Variants in RYR3 observed in about 807,000 individuals in gnomAD.
RYR3 encodes the protein ryanodine receptor 3, also known as brain ryanodine receptor-calcium release channel.
RYR3 carries 207 observed loss-of-function variants against 584.3 expected under a neutral mutation model. The observed-to-expected ratio is 0.35, with a 90% confidence interval of 0.32 to 0.40. The LOEUF is 0.40. RYR3 is among the 10% of genes least tolerant of loss of function. The pLI, the probability that RYR3 is intolerant of heterozygous loss-of-function variation, is 1.00. For synonymous variants in RYR3, 2,416 were observed against 2,248.5 expected (o/e 1.07, Z -2.11); for missense variants, 5,616 against 6,089.2 (o/e 0.92, Z 2.59).
At chr15:33,541,671 C>G (rs567326650) in intron 7 of RYR3, among the ~76,000 whole-genome samples, 1 of 152,096 alleles carries the variant, frequency 6.6e-6, no homozygotes, top group African/African-American at 2.4e-5. Flanking sequence ...CTGGGAATGC[C>G]GGTCTATTCT....
At chr15:33,755,437 G>A (rs1427396812) in intron 58 of RYR3, among the ~76,000 whole-genome samples, 1 of 152,030 alleles carries the variant, frequency 6.6e-6, no homozygotes, top group Non-Finnish European at 1.5e-5. Flanking sequence ...TGGCCAACAT[G>A]GTGAAATCCC....
At chr15:33,452,811 T>G (rs553813719) in intron 1 of RYR3, among the ~76,000 whole-genome samples, 23 of 152,306 alleles carry the variant, frequency 1.5e-4, no homozygotes, top group African/African-American at 5.3e-4. Context: ...CCTGCTATAA[T>G]GGATTTTATA....
chr15:33,835,486 C>G (rs536789675), intron 87 of RYR3, among the ~76,000 whole-genome samples: 2 of 152,164 alleles, frequency 1.3e-5, no homozygotes, highest in African/African-American at 4.8e-5. Context: ...TCCTCCCTCC[C>G]TCCCTGTCTC....
chr15:33,523,986 G>A (rs1017583211), intron 3 of RYR3, among the ~76,000 whole-genome samples: 1 of 152,122 alleles, frequency 6.6e-6, no homozygotes, highest in Non-Finnish European at 1.5e-5. Flanking sequence ...TTTCAGGTAG[G>A]TAAAGTCGTT....
chr15:33,537,967 A>C (rs986645286), intron 5 of RYR3, among the ~76,000 whole-genome samples: 9 of 150,376 alleles, frequency 6.0e-5, no homozygotes, highest in Admixed American at 1.3e-4. Flanking sequence ...GCTTTATCCC[A>C]CCACCTTTTT....
rs1763324566 is a variant in RYR3, at chr15:33,854,883, C to T, written c.13978C>T (p.Leu4660=). ...GGGCTTCAAGACACTGAGGACCATT[C>T]TGTCATCTGTAACTCACAATGGCAA... is the stretch of plus-strand genomic sequence containing the variant. ...AMGFKTLRTI[L]SSVTHNGKQL... The change falls in exon 98 of 104, where the codon CTG becomes TTG. Residue 4660 remains leucine, a synonymous_variant. Coordinates refer to ENST00000634891, the MANE Select transcript of RYR3 (RefSeq NM_001036.6). 4 of 1,612,576 alleles carry T rather than the reference C, an allele frequency of 2.5e-6. No homozygotes were observed. Among genetic ancestry groups the T allele is most frequent in the Non-Finnish European group, 3.4e-6 (4 of 1,179,512 alleles).
At chr15:33,654,930 A>G (rs1180645974) in intron 32 of RYR3, among the ~76,000 whole-genome samples, 2 of 152,238 alleles carry the variant, frequency 1.3e-5, no homozygotes, top group Non-Finnish European at 2.9e-5. Context: ...GGTAAGGTAG[A>G]CAGCAGACAG....
rs1194148988 is a variant in RYR3 at position 33,756,362 on chromosome 15, T to C, written c.8572T>C (p.Phe2858Leu). 6.3e-7 allele frequency: 1 copy of C among 1,575,452 alleles called. No individual in the cohort carries two copies. Among genetic ancestry groups the C allele is most frequent in the Non-Finnish European group, 8.6e-7 (1 of 1,159,390 alleles). ...EKSPRDQEIK[F>L]FAKVLLPLVD... Reference sequence around the variant, plus strand: ...GTCTCCCCGTGACCAGGAGATCAAATTCTTTGCCAAAGTAAGTGGCCCTGC... The same window carrying C: ...GTCTCCCCGTGACCAGGAGATCAAACTCTTTGCCAAAGTAAGTGGCCCTGC... The change falls in exon 59 of 104, where the codon TTC becomes CTC. Residue 2858 changes from phenylalanine (F) to leucine (L), a missense_variant. By Grantham distance (22) the Phe-to-Leu change is conservative (BLOSUM62 0). Around this residue, in one of 9 missense-constraint regions of RYR3, gnomAD observed 1,280 missense variants for 1,426.2 expected, o/e 0.90. Coordinates refer to ENST00000634891, the MANE Select transcript of RYR3 (RefSeq NM_001036.6).
At chr15:33,783,676 A>G (rs1213173911) in intron 65 of RYR3, among the ~76,000 whole-genome samples, 3 of 152,226 alleles carry the variant, frequency 2.0e-5, no homozygotes, top group Non-Finnish European at 2.9e-5. Context: ...AGTTGCGTCT[A>G]TGGCAGTGGC....
chr15:33,513,764 C>G (rs2053246666), intron 3 of RYR3, among the ~76,000 whole-genome samples: 1 of 152,182 alleles, frequency 6.6e-6, no homozygotes, highest in African/African-American at 2.4e-5. Context: ...TTCCCACTCT[C>G]TGGTCCTTGC....
intron 3 of RYR3, among the ~76,000 whole-genome samples, chr15:33,504,673 G>A (rs1230382729): frequency 6.6e-6 from 1 of 152,150 alleles, no homozygotes; most frequent in Non-Finnish European, 1.5e-5. Flanking sequence ...TCCTAAACAT[G>A]GCTTAGAGCC....
intron 38 of RYR3, among the ~76,000 whole-genome samples, chr15:33,694,479 C>G (rs962417055): frequency 5.9e-5 from 9 of 152,116 alleles, no homozygotes; most frequent in Non-Finnish European, 1.3e-4. Flanking sequence ...CTCCTGACCT[C>G]GTGATCCACC....
Position 33,843,534 on chromosome 15 carries a change from T to G in RYR3, c.13256T>G (p.Phe4419Cys). ...NFYNLRFLALFVAFAINFILL... is the reference protein window; with the variant it reads ...NFYNLRFLALCVAFAINFILL... ...TACAACCTGAGGTTCCTTGCTCTGTTTGTAGCCTTCGCTATCAACTTCATC... is the reference window on the plus strand; with the variant it reads ...TACAACCTGAGGTTCCTTGCTCTGTGTGTAGCCTTCGCTATCAACTTCATC... The change falls in exon 92 of 104, where the codon TTT becomes TGT. Residue 4419 changes from phenylalanine to cysteine, a missense_variant. By Grantham distance (205) the Phe-to-Cys change is radical. This residue lies in a region of RYR3 where 918 missense variants were observed against 887.4 expected (regional missense o/e 1.03). Coordinates refer to ENST00000634891, the MANE Select transcript of RYR3 (RefSeq NM_001036.6). 2 of 1,603,584 alleles carry G rather than the reference T, an allele frequency of 1.2e-6. No individual in the cohort carries two copies. The highest frequency in any genetic ancestry group is 1.1e-5 in the South Asian group (1 of 88,894).
At chr15:33,653,152 G>C (rs1005700877) in intron 32 of RYR3, among the ~76,000 whole-genome samples, 7 of 152,182 alleles carry the variant, frequency 4.6e-5, no homozygotes, top group Non-Finnish European at 1.0e-4. Flanking sequence ...TTGGTGTTGA[G>C]CTGTAAATGT....
At chr15:33,375,101 G>C (rs1181464221) in intron 1 of RYR3, among the ~76,000 whole-genome samples, 1 of 152,132 alleles carries the variant, frequency 6.6e-6, no homozygotes, top group African/African-American at 2.4e-5. Flanking sequence ...TGAATCCTGA[G>C]TTTTTAAATT....
chr15:33,740,473 C>G (rs12917360), intron 51 of RYR3, among the ~76,000 whole-genome samples: 14,061 of 152,238 alleles, frequency 0.092, 862 homozygotes, highest in East Asian at 0.24. Context: ...TGGACCTGCT[C>G]TTTGCCATGC....
chr15:33,644,461 G>T lies in RYR3; in HGVS notation c.3707G>T (p.Trp1236Leu). 1.2e-6 allele frequency: 2 copies of T among 1,613,942 alleles called. No individual in the cohort carries two copies. Among genetic ancestry groups the T allele is most frequent in the Non-Finnish European group, 1.7e-6 (2 of 1,179,858 alleles). The part of the protein sequence containing the change: ...AVNMNRDVAM[W>L]FSKRLPTFVN... The stretch of plus-strand genomic sequence containing the variant: ...AACATGAACAGAGATGTTGCTATGT[G>T]GTTCAGCAAGCGCCTCCCGACGTTT... Residue 1236 changes from tryptophan (W) to leucine (L), a missense_variant, in exon 28 of 104, where the codon TGG (tryptophan) becomes TTG (leucine). This residue lies in a region of RYR3 where 152 missense variants were observed against 200.9 expected (regional missense o/e 0.76). Transcript: ENST00000634891.
intron 50 of RYR3, among the ~76,000 whole-genome samples, 173 bp downstream of exon 50, chr15:33,738,763 C>G (rs1396692735): frequency 6.6e-6 from 1 of 152,160 alleles, no homozygotes; most frequent in East Asian, 1.9e-4. Context: ...TCTCAAAATC[C>G]TTATTTTACA....
chr15:33,774,081 G>A (rs554719659), intron 64 of RYR3, among the ~76,000 whole-genome samples: 2 of 152,302 alleles, frequency 1.3e-5, no homozygotes, highest in Non-Finnish European at 2.9e-5. Context: ...TTTTCAACAA[G>A]TGCACACTTT....
Sources: gnomAD v4.1 joint callset for allele counts (sites outside exome capture counted in the v4.1 genomes callset) on GRCh38, gnomAD v4.1.1 for gene constraint, gnomAD v4.1.1 regional missense constraint, MANE v1.5 for transcripts, NCBI Gene and HGNC (gene_info 2026-07-23, HGNC 2026-07-21) for gene names.